Variants in OR56A3 observed in about 807,000 individuals in gnomAD.
OR56A3 encodes the protein olfactory receptor 56A3.
A neutral mutation model predicts 17.5 loss-of-function variants in OR56A3; 23 were observed. The observed-to-expected ratio is 1.32, with a 90% CI of 0.95 to 1.87. The LOEUF (loss-of-function observed/expected upper bound fraction) is 1.87. OR56A3 is among the 40% of genes most tolerant of loss of function. The probability of loss-of-function intolerance (pLI) is 0.00; values close to 1 mark genes in which losing one functional copy is unlikely to be tolerated. For missense variants in OR56A3, 366 were observed against 380.1 expected (o/e 0.96, Z 0.31); for synonymous variants, 175 against 150.6 (o/e 1.16, Z -1.19).
At chr11:5,965,053 A>G in the OR56A3 span, among the ~76,000 whole-genome samples, 1 of 152,218 alleles carries the variant, frequency 6.6e-6, no homozygotes, top group Admixed American at 6.5e-5. Flanking sequence ...CAAATTATCC[A>G]TTTCCTATGG....
chr11:5,993,972 G>T, the OR56A3 span: 3 of 446,296 alleles, frequency 6.7e-6, no homozygotes, highest in Non-Finnish European at 1.3e-5. Context: ...ATGGAGTTGG[G>T]GGCTGTCCAA....
chr11:6,007,905 C>T, the OR56A3 span, among the ~76,000 whole-genome samples: 958 of 152,292 alleles, frequency 6.3e-3, 43 homozygotes, highest in East Asian at 0.1. Flanking sequence ...GGGAGTGGCC[C>T]TCTTCATGCT....
the OR56A3 span, among the ~76,000 whole-genome samples, chr11:6,013,944 T>C: frequency 2.0e-5 from 3 of 152,098 alleles, no homozygotes; most frequent in Admixed American, 6.5e-5. Flanking sequence ...GCCAACACAA[T>C]GCATGCTACC....
chr11:5,991,208 C>G, the OR56A3 span, among the ~76,000 whole-genome samples: 1 of 152,216 alleles, frequency 6.6e-6, no homozygotes, highest in Non-Finnish European at 1.5e-5. Flanking sequence ...TCAGCTGTAT[C>G]TACATACGCA....
rs1564799858 is a variant in OR56A3 at position 5,947,761 on chromosome 11, A to G, written c.415A>G (p.Ile139Val). Residue 139 changes from isoleucine (I) to valine (V), a missense_variant, in exon 3 of 3, where the codon ATC becomes GTC. Coordinates refer to ENST00000641160, the MANE Select transcript of OR56A3 (RefSeq NM_001003443.3). Reference sequence around the variant, plus strand: ...CTGCCACCCACTGAGATATCCATCAATCATCACTGATCACTTTGTAGTCAA... The same window carrying G: ...CTGCCACCCACTGAGATATCCATCAGTCATCACTGATCACTTTGTAGTCAA... ...AICHPLRYPS[I>V]ITDHFVVKAA... 6.2e-7 allele frequency: 1 copy of G among 1,614,208 alleles called. No individual in the cohort carries two copies. Among genetic ancestry groups the G allele is most frequent in the East Asian group, 2.2e-5 (1 of 44,880 alleles).
the OR56A3 span, among the ~76,000 whole-genome samples, chr11:6,004,418 C>T: frequency 6.6e-6 from 1 of 152,164 alleles, no homozygotes; most frequent in Admixed American, 6.5e-5. Context: ...AATGACTGAT[C>T]TTTCACCCCT....
the OR56A3 span, among the ~76,000 whole-genome samples, chr11:5,979,513 G>A: frequency 2.0e-4 from 31 of 152,174 alleles, no homozygotes; most frequent in Admixed American, 4.6e-4. Flanking sequence ...CTGTAGAGAT[G>A]TTCATAATAG....
At chr11:5,953,990 C>G (rs990946935), downstream of OR56A3, among the ~76,000 whole-genome samples, 2 of 152,012 alleles carry the variant, frequency 1.3e-5, no homozygotes, top group South Asian at 2.1e-4. Context: ...TAAACACAGT[C>G]CTGGCCGCAA....
At chr11:5,976,416 G>A in the OR56A3 span, among the ~76,000 whole-genome samples, 38 of 152,170 alleles carry the variant, frequency 2.5e-4, no homozygotes, top group African/African-American at 8.2e-4. Flanking sequence ...CTTTCCTTAC[G>A]GTGTTTGGTG....
At chr11:6,007,945 A>G in the OR56A3 span, among the ~76,000 whole-genome samples, 5 of 152,280 alleles carry the variant, frequency 3.3e-5, no homozygotes, top group Non-Finnish European at 7.4e-5. Context: ...TTTTATCTTC[A>G]TGGCTTTTCT....
the OR56A3 span, chr11:5,967,462 G>T: frequency 6.5e-6 from 6 of 919,604 alleles, no homozygotes; most frequent in Non-Finnish European, 9.7e-6. Context: ...ACTTATTCTC[G>T]CAGTAACAAT....
chr11:6,019,472 T>G, the OR56A3 span: 2 of 152,342 alleles, frequency 1.3e-5, no homozygotes, highest in African/African-American at 4.8e-5. Context: ...TAGGTTTAAT[T>G]GGACTTACAG....
chr11:5,975,919 A>T, the OR56A3 span, among the ~76,000 whole-genome samples: 92 of 152,018 alleles, frequency 6.1e-4, 1 homozygote, highest in African/African-American at 2.2e-3. Flanking sequence ...TATTAAATTT[A>T]AAAAAAGAAA....
the OR56A3 span, among the ~76,000 whole-genome samples, chr11:5,962,674 G>T: frequency 6.6e-6 from 1 of 151,964 alleles, no homozygotes; most frequent in Non-Finnish European, 1.5e-5. Flanking sequence ...GAGTAGCTGG[G>T]ACTACAGGCG....
the OR56A3 span, among the ~76,000 whole-genome samples, chr11:6,008,398 TG>T: frequency 2.0e-5 from 3 of 152,142 alleles, no homozygotes; most frequent in Admixed American, 2.0e-4. Flanking sequence ...ATTTCATGAG[TG>T]AATAATTGCT....
At chr11:5,981,640 G>T in the OR56A3 span, among the ~76,000 whole-genome samples, 1 of 152,162 alleles carries the variant, frequency 6.6e-6, no homozygotes, top group Non-Finnish European at 1.5e-5. Flanking sequence ...TTGCCATCCA[G>T]ATTCTAAATT....
intron 2 of OR56A3, among the ~76,000 whole-genome samples, chr11:5,946,608 T>C (rs1205179702): frequency 1.3e-5 from 2 of 152,228 alleles, no homozygotes; most frequent in Non-Finnish European, 2.9e-5. Context: ...CTGTTAGCTA[T>C]GTGGAAGTGC....
chr11:6,003,195 TTTTATA>T, the OR56A3 span: 39 of 1,231,060 alleles, frequency 3.2e-5, no homozygotes, highest in Non-Finnish European at 4.5e-6. Flanking sequence ...AGCCACAATG[TTTTATA>T]TTCATTATCT....
At position 5,947,323 on chromosome 11, in the gene OR56A3, A is replaced by G; in HGVS notation, c.-24A>G. The G allele has an allele frequency of 6.5e-7, 1 of 1,539,248 alleles. No homozygotes were observed. The highest frequency in any genetic ancestry group is 8.8e-7 in the Non-Finnish European group (1 of 1,137,318). On this transcript the variant is annotated 5_prime_UTR_variant, in exon 3 of 3. Transcript: ENST00000641160. Reference sequence around the variant, plus strand: ...CATAATTTTCCAGATCACTGAAAGAAAGCAGTAAAATATATGGGAAAATAT... The same window carrying G: ...CATAATTTTCCAGATCACTGAAAGAGAGCAGTAAAATATATGGGAAAATAT...
Sources: gnomAD v4.1 joint callset for allele counts (sites outside exome capture counted in the v4.1 genomes callset) on GRCh38, gnomAD v4.1.1 for gene constraint, MANE v1.5 for transcripts, NCBI Gene and HGNC (gene_info 2026-07-23, HGNC 2026-07-21) for gene names.